The following ZNF804B variants were observed in gnomAD, a reference collection of about 807,000 sequenced individuals.
ZNF804B encodes the protein zinc finger protein 804B.
Under a neutral mutation model 101.4 loss-of-function variants are expected in ZNF804B, and 80 were observed. That is an observed-to-expected ratio of 0.79 (90% CI 0.66 to 0.95). The LOEUF is 0.95. ZNF804B is among the 40% of genes least tolerant of loss of function. The pLI, the probability that ZNF804B is intolerant of heterozygous loss-of-function variation, is 0.00. For missense variants in ZNF804B, 1,673 were observed against 1,561.9 expected (o/e 1.07, Z -1.20); for synonymous variants, 622 against 558.8 (o/e 1.11, Z -1.59).
intron 2 of ZNF804B, among the ~76,000 whole-genome samples, chr7:89,248,558 G>A (rs1051656978): frequency 6.6e-6 from 1 of 151,674 alleles, no homozygotes; most frequent in Non-Finnish European, 1.5e-5. Context: ...AAGCAAAGGA[G>A]AAATAAAATC....
At chr7:89,010,328 A>G (rs1788436914) in intron 1 of ZNF804B, among the ~76,000 whole-genome samples, 1 of 152,164 alleles carries the variant, frequency 6.6e-6, no homozygotes, top group South Asian at 2.1e-4. Flanking sequence ...ATACTTCTTC[A>G]TTACAGTATT....
intron 1 of ZNF804B, among the ~76,000 whole-genome samples, chr7:89,124,061 A>G (rs1412557789): frequency 6.6e-6 from 1 of 152,134 alleles, no homozygotes; most frequent in African/African-American, 2.4e-5. Context: ...TCTTGGCTCC[A>G]AGTGAACTCA....
intron 1 of ZNF804B, among the ~76,000 whole-genome samples, chr7:88,772,134 C>T (rs111648340): frequency 0.028 from 4,186 of 152,186 alleles, 206 homozygotes; most frequent in African/African-American, 0.092. Context: ...TTTTAAACTA[C>T]GTTTAATGTT....
intron 1 of ZNF804B, among the ~76,000 whole-genome samples, chr7:88,882,470 C>A (rs1792058020): frequency 6.6e-6 from 1 of 152,106 alleles, no homozygotes; most frequent in Admixed American, 6.6e-5. Context: ...TTGGAGATTT[C>A]TCAAAGAACT....
At chr7:89,148,739 C>G (rs190413163) in intron 1 of ZNF804B, among the ~76,000 whole-genome samples, 197 of 151,998 alleles carry the variant, frequency 1.3e-3, no homozygotes, top group Admixed American at 2.9e-3. Flanking sequence ...GTCCACAAAC[C>G]ATCATGTCAG....
Position 88,788,504 on chromosome 7 carries a change from A to C in ZNF804B, c.108+28420A>C, listed in dbSNP as rs78850448. Among the ~76,000 whole-genome samples the C allele has an allele frequency of 2.1e-3, 324 of 152,276 alleles. 2 individuals carry two copies. Among genetic ancestry groups the C allele is most frequent in the African/African-American group, 7.6e-3 (314 of 41,570 alleles). ...TGACCACCGAATGTAAACCAGACCC[A>C]TTAGTTACTGTCAACATTATGACTT... is the stretch of plus-strand genomic sequence containing the variant. On this transcript the variant is annotated intron_variant, in intron 1 of 3. Coordinates refer to ENST00000333190, the MANE Select transcript of ZNF804B (RefSeq NM_181646.5).
chr7:88,773,613 A>G (rs1339942340), intron 1 of ZNF804B, among the ~76,000 whole-genome samples: 1 of 152,160 alleles, frequency 6.6e-6, no homozygotes, highest in Non-Finnish European at 1.5e-5. Context: ...TTGTATTGCT[A>G]TAAAGAAATA....
At position 89,193,306 on chromosome 7, in the gene ZNF804B, AT is replaced by A. The variant is rs36008043; in HGVS notation, c.109-24840del. Among the ~76,000 whole-genome samples the A allele has an allele frequency of 7.8e-3, 1,140 of 146,240 alleles. 24 individuals carry two copies. Among genetic ancestry groups the A allele is most frequent in the African/African-American group, 0.027 (1,053 of 39,562 alleles). ...TTTTTATAGTCTACTTTCTATCTTT[AT>A]TTTTTTTTATTCGTATTATTATACT... On this transcript the variant is annotated intron_variant, in intron 1 of 3. Coordinates refer to ENST00000333190, the MANE Select transcript of ZNF804B (RefSeq NM_181646.5).
At chr7:89,119,170 C>A (rs1790361041) in intron 1 of ZNF804B, among the ~76,000 whole-genome samples, 1 of 152,154 alleles carries the variant, frequency 6.6e-6, no homozygotes. Flanking sequence ...CCACTGTCAT[C>A]TTTAGTATCA....
intron 1 of ZNF804B, among the ~76,000 whole-genome samples, chr7:89,023,242 T>C (rs911955351): frequency 6.6e-6 from 1 of 152,192 alleles, no homozygotes; most frequent in African/African-American, 2.4e-5. Context: ...TCCTCTATAG[T>C]GCTGACTTTT....
chr7:89,321,834 T>A (rs115054263), intron 2 of ZNF804B, among the ~76,000 whole-genome samples: 2,309 of 152,172 alleles, frequency 0.015, 67 homozygotes, highest in African/African-American at 0.053. Flanking sequence ...AGACACAATC[T>A]GTTTTAAATT....
chr7:89,034,235 G>C (rs994386559), intron 1 of ZNF804B, among the ~76,000 whole-genome samples: 1 of 152,030 alleles, frequency 6.6e-6, no homozygotes, highest in Non-Finnish European at 1.5e-5. Context: ...TTAGAAAGAA[G>C]ACTTTTTTTG....
intron 1 of ZNF804B, among the ~76,000 whole-genome samples, chr7:88,993,178 A>G (rs1406036218): frequency 1.3e-5 from 2 of 152,056 alleles, no homozygotes; most frequent in East Asian, 1.9e-4. Context: ...TATAGAAAAC[A>G]TACTGATTTT....
intron 1 of ZNF804B, among the ~76,000 whole-genome samples, chr7:88,945,839 C>A (rs1361946931): frequency 3.3e-5 from 5 of 151,892 alleles, no homozygotes; most frequent in African/African-American, 1.2e-4. Flanking sequence ...TTATTTTATT[C>A]TCTTTGTAGC....
intron 1 of ZNF804B, among the ~76,000 whole-genome samples, chr7:88,897,498 G>T (rs1196410916): frequency 6.7e-6 from 1 of 149,888 alleles, no homozygotes; most frequent in Non-Finnish European, 1.5e-5. Context: ...TTCCAGAAAT[G>T]TAGGGGATTA....
intron 1 of ZNF804B, among the ~76,000 whole-genome samples, chr7:88,765,867 C>A (rs1327467077): frequency 6.8e-6 from 1 of 147,064 alleles, no homozygotes; most frequent in East Asian, 2.0e-4. Flanking sequence ...TACCAATTTC[C>A]AAGTTACGTA....
At chr7:89,203,084 A>G (rs1326620231) in intron 1 of ZNF804B, among the ~76,000 whole-genome samples, 1 of 152,092 alleles carries the variant, frequency 6.6e-6, no homozygotes, top group Non-Finnish European at 1.5e-5. Context: ...CCAACTCAGT[A>G]TGGCTTGTTG....
At position 89,336,653 on chromosome 7, in the gene ZNF804B, G is replaced by C; in HGVS notation, c.3671G>C (p.Ser1224Thr). 1 of 1,614,016 alleles carries C rather than the reference G, an allele frequency of 6.2e-7. No homozygotes were observed. Among genetic ancestry groups the C allele is most frequent in the Non-Finnish European group, 8.5e-7 (1 of 1,179,996 alleles). Residue 1224 changes from serine (S) to threonine (T), a missense_variant, in exon 4 of 4, where the codon AGT (serine) becomes ACT (threonine). By Grantham distance (58) the Ser-to-Thr change is moderately conservative (BLOSUM62 1). Transcript: ENST00000333190. ...LQHFAVSASL[S>T]SHSSHLPIAH... is the part of the protein sequence containing the mutation. ...CATTTTGCTGTTTCTGCTTCCTTAA[G>C]TTCTCATAGCAGTCACCTCCCTATT...
Position 88,759,960 on chromosome 7 carries a change from C to G in ZNF804B, c.-17C>G. The G allele has an allele frequency of 6.2e-7, 1 of 1,612,042 alleles. No homozygotes were observed. The highest frequency in any genetic ancestry group is 8.5e-7 in the Non-Finnish European group (1 of 1,178,130). On this transcript the variant is annotated 5_prime_UTR_variant, in exon 1 of 4. Coordinates refer to ENST00000333190, the MANE Select transcript of ZNF804B (RefSeq NM_181646.5). ...CCTGGTGAGGAGTTGAGACTCTGCG[C>G]CTCCGCCCGGACCCACATGGCTTGT...
Sources: gnomAD v4.1 joint callset for allele counts (sites outside exome capture counted in the v4.1 genomes callset) on GRCh38, gnomAD v4.1.1 for gene constraint, MANE v1.5 for transcripts, NCBI Gene and HGNC (gene_info 2026-07-23, HGNC 2026-07-21) for gene names.